Variants in PHKG1 observed in about 807,000 individuals in gnomAD.
PHKG1 encodes phosphorylase b kinase gamma catalytic chain, skeletal muscle/heart isoform.
PHKG1 carries 48 observed loss-of-function variants against 50.5 expected under a neutral mutation model. The observed-to-expected ratio is 0.95, with a 90% confidence interval of 0.75 to 1.21. The LOEUF (loss-of-function observed/expected upper bound fraction) is 1.21, where lower values mean the gene tolerates loss of function less well. PHKG1 is among the 50% of genes most tolerant of loss of function. The probability of loss-of-function intolerance (pLI) is 0.00; values close to 1 mark genes in which losing one functional copy is unlikely to be tolerated. For missense variants in PHKG1, 487 were observed against 519.5 expected (o/e 0.94, Z 0.61); for synonymous variants, 204 against 212.8 (o/e 0.96, Z 0.36).
At chr7:56,082,598 A>G (rs1386111371) in intron 6 of PHKG1, among the ~76,000 whole-genome samples, 1 of 151,764 alleles carries the variant, frequency 6.6e-6, no homozygotes, top group Non-Finnish European at 1.5e-5. Flanking sequence ...TTTCAAAAAA[A>G]AAAGAGAGGA....
At chr7:56,084,149 C>T (rs980769901) in intron 4 of PHKG1, 1 of 1,517,028 alleles carries the variant, frequency 6.6e-7, no homozygotes, top group Non-Finnish European at 8.8e-7. Context: ...TGAGCAGTAC[C>T]TTGCCCTGCC....
chr7:56,087,004 C>G lies in PHKG1; in HGVS notation c.283G>C (p.Glu95Gln). 1 of 1,613,428 alleles carries G rather than the reference C, an allele frequency of 6.2e-7. No homozygotes were observed. Among genetic ancestry groups the G allele is most frequent in the South Asian group, 1.1e-5 (1 of 91,052 alleles). ...PNIIQLKDTYETNTFFFLVFD... is the reference protein window; with the variant it reads ...PNIIQLKDTYQTNTFFFLVFD... ...ACCAAGAAGAAGAAAGTGTTGGTCT[C>G]ATAAGTGTCCTTCAGCTGTACTGAA... Residue 95 changes from glutamate to glutamine, a missense_variant, in exon 4 of 10, where the codon GAG (glutamate) becomes CAG (glutamine). Coordinates refer to ENST00000297373, the MANE Select transcript of PHKG1 (RefSeq NM_006213.5).
intron 5 of PHKG1, 51 bp from the exon 6 acceptor site, chr7:56,083,492 C>T: frequency 6.2e-7 from 1 of 1,600,488 alleles, no homozygotes; most frequent in Non-Finnish European, 8.6e-7. Context: ...GGTCAGGTAA[C>T]AGGCAGGGAG....
intron 2 of PHKG1, 181 bp downstream of exon 2, chr7:56,088,678 A>G: frequency 6.0e-6 from 3 of 503,530 alleles, no homozygotes; most frequent in Non-Finnish European, 1.1e-5. Context: ...TTGCTGGGAG[A>G]GGTTTCTCTT....
rs1440515564 is a variant in PHKG1, at chr7:56,086,969, C to T, written c.317+1G>A. ...GGCTTGCTCCAGTGCTGGGTACTTA[C>T]AGGTCAAACACCAAGAAGAAGAAAG... On this transcript the variant is annotated splice_donor_variant, in intron 4 of 9. Coordinates refer to ENST00000297373, the MANE Select transcript of PHKG1 (RefSeq NM_006213.5). LOFTEE classifies it high-confidence loss of function. The T allele has an allele frequency of 1.9e-6, 3 of 1,611,906 alleles. No homozygotes were observed. In the Admixed American group the frequency reaches 5.0e-5, roughly 27 times the overall value.
chr7:56,088,763 G>A, intron 2 of PHKG1, 96 bp downstream of exon 2: 1 of 755,866 alleles, frequency 1.3e-6, no homozygotes, highest in Non-Finnish European at 2.3e-6. Context: ...GGGGATGAAA[G>A]TGGCGTTAGT....
rs753336217 is a variant in PHKG1 at position 56,087,776 on chromosome 7, C to T, written c.84G>A (p.Arg28=). 33 of 1,609,612 alleles carry T rather than the reference C, an allele frequency of 2.1e-5. No individual in the cohort carries two copies. Among genetic ancestry groups the T allele is most frequent in the African/African-American group, 4.0e-5 (3 of 74,918 alleles). The change falls in exon 3 of 10, where the codon AGG becomes AGA. Residue 28 remains arginine (R), a splice_region_variant and synonymous_variant. Coordinates refer to ENST00000297373, the MANE Select transcript of PHKG1 (RefSeq NM_006213.5). ...ATCGCCTGACCACACTGCTAACGCC[C>T]CTGGGAGTGCAGAGGACAGATGGCC... ...ENYEPKEILG[R]GVSSVVRRCI...
chr7:56,089,153 C>A (rs1377181448), intron 1 of PHKG1, among the ~76,000 whole-genome samples, 178 bp from the exon 2 acceptor site: 2 of 152,050 alleles, frequency 1.3e-5, no homozygotes, highest in Non-Finnish European at 2.9e-5. Context: ...ACCTATAATC[C>A]CAGACTTTGG....
intron 1 of PHKG1, among the ~76,000 whole-genome samples, chr7:56,091,096 C>A (rs998198418): frequency 6.6e-6 from 1 of 152,122 alleles, no homozygotes; most frequent in Admixed American, 6.6e-5. Context: ...GGCCTGTGGT[C>A]CCAGCTACTT....
In PHKG1 at chr7:56,081,604, C is replaced by T. The variant is rs114441596; in HGVS notation, c.918+26G>A. On this transcript the variant is annotated intron_variant, in intron 9 of 9. Transcript: ENST00000297373. This position sits in a 1 kb window ranked among gnomAD's most constrained non-coding sequence, Gnocchi z 4.6. ...TAGAGGTTTGCACTTAGGGAGCTGG[C>T]GGGCCTGGATCAGGACGCTTAGTAC... The T allele has an allele frequency of 1.3e-3, 2,013 of 1,610,012 alleles. 24 individuals are homozygous for T. In the African/African-American group the frequency reaches 0.023, roughly 19 times the overall value.
intron 2 of PHKG1, 171 bp downstream of exon 2, chr7:56,088,688 T>C (rs748046962): frequency 4.1e-5 from 22 of 539,188 alleles, no homozygotes; most frequent in Non-Finnish European, 7.0e-5. Flanking sequence ...AGGTTTCTCT[T>C]ATCTGTCCTG....
At chr7:56,091,801 A>G (rs1407256161) in intron 1 of PHKG1, among the ~76,000 whole-genome samples, 1 of 151,848 alleles carries the variant, frequency 6.6e-6, no homozygotes, top group Non-Finnish European at 1.5e-5. Flanking sequence ...TTACCAGAAG[A>G]AGGTTTAGAA....
Position 56,081,836 on chromosome 7 carries a change from C to A in PHKG1, c.792+57G>T. 1.9e-6 allele frequency: 3 copies of A among 1,609,390 alleles called. No individual in the cohort carries two copies. The highest frequency in any genetic ancestry group is 2.5e-6 in the Non-Finnish European group (3 of 1,177,524). Reference sequence around the variant, plus strand: ...TCAGGAAAGGCAGGGCCTCCCCGGGCAGGGGCGCCTGGCATCGCAGCCCTG... The same window carrying A: ...TCAGGAAAGGCAGGGCCTCCCCGGGAAGGGGCGCCTGGCATCGCAGCCCTG... On this transcript the variant is annotated intron_variant, in intron 8 of 9. Coordinates refer to ENST00000297373, the MANE Select transcript of PHKG1 (RefSeq NM_006213.5). The surrounding 1 kb of genome is among the most constrained non-coding windows in gnomAD (Gnocchi z 4.6).
Position 56,088,903 on chromosome 7 carries a change from T to G in PHKG1, c.39A>C (p.Ala13=). 1 of 1,613,838 alleles carries G rather than the reference T, an allele frequency of 6.2e-7. No homozygotes were observed. Among genetic ancestry groups the G allele is most frequent in the Non-Finnish European group, 8.5e-7 (1 of 1,179,848 alleles). Reference sequence around the variant, plus strand: ...GCTCATAATTCTCATAGAAGTCCTGTGCAGAATGAGAGTCCGGCAGTGCCT... The same window carrying G: ...GCTCATAATTCTCATAGAAGTCCTGGGCAGAATGAGAGTCCGGCAGTGCCT... ...RDEALPDSHS[A]QDFYENYEPK... Residue 13 remains alanine (A), a synonymous_variant, in exon 2 of 10, where the codon GCA becomes GCC. Transcript: ENST00000297373.
chr7:56,083,437 T>G lies in PHKG1; in HGVS notation c.388A>C (p.Ile130Leu). The part of the protein sequence containing the change: ...VTLSEKETRK[I>L]MRALLEVICT... ...ATCACCTCCAGCAGAGCTCGCATGA[T>G]CTTTCTAGGGTGGGGCACACACTTG... Residue 130 changes from isoleucine to leucine, a missense_variant, in exon 6 of 10, where the codon ATC becomes CTC. By Grantham distance (5) the Ile-to-Leu change is conservative. Coordinates refer to ENST00000297373, the MANE Select transcript of PHKG1 (RefSeq NM_006213.5). 6.2e-7 allele frequency: 1 copy of G among 1,614,134 alleles called. No homozygotes were observed.
intron 4 of PHKG1, among the ~76,000 whole-genome samples, chr7:56,086,475 G>T (rs920306114): frequency 7.9e-5 from 12 of 151,838 alleles, no homozygotes; most frequent in South Asian, 2.1e-4. Context: ...GAGTTTTGGG[G>T]TTTTTTTTGT....
chr7:56,083,239 C>T lies in PHKG1; in HGVS notation c.547+39G>A, dbSNP rs759827187. The T allele has an allele frequency of 1.5e-5, 24 of 1,602,526 alleles. No homozygotes were observed. In the East Asian group the frequency reaches 3.4e-4, roughly 22 times the overall value. ...TATTCTGCAGATGGTTGATTGAGCA[C>T]CCGAGGCCTGGACGTGGGCCAAGGC... On this transcript the variant is annotated intron_variant, in intron 6 of 9. Coordinates refer to ENST00000297373, the MANE Select transcript of PHKG1 (RefSeq NM_006213.5).
At position 56,087,580 on chromosome 7, in the gene PHKG1, C is replaced by CT. The variant is rs1317361572; in HGVS notation, c.262+17dup. 4.4e-6 allele frequency: 7 copies of CT among 1,608,040 alleles called. No individual in the cohort carries two copies. The highest frequency in any genetic ancestry group is 6.0e-6 in the Non-Finnish European group (7 of 1,176,100). On this transcript the variant is annotated intron_variant, in intron 3 of 9. Coordinates refer to ENST00000297373, the MANE Select transcript of PHKG1 (RefSeq NM_006213.5). ...CACAGGGGGGCACCCTGCCGTGTGG[C>CT]TTGGGGCCATCACTCACTGATGTTG...
chr7:56,090,851 G>A (rs543732098), intron 1 of PHKG1, among the ~76,000 whole-genome samples: 27 of 152,138 alleles, frequency 1.8e-4, no homozygotes, highest in Non-Finnish European at 3.1e-4. Context: ...ACACAGAGGC[G>A]CTGAGCTACC....
Sources: allele counts gnomAD v4.1 joint callset (sites outside exome capture counted in the v4.1 genomes callset), GRCh38; gene constraint gnomAD v4.1.1; non-coding constraint Gnocchi (gnomAD v3.1); transcripts MANE v1.5; gene names NCBI Gene and HGNC (gene_info 2026-07-23, HGNC 2026-07-21).